SMAP1: variants seen among roughly 807,000 people sequenced by gnomAD.
SMAP1 encodes stromal membrane-associated protein 1.
SMAP1 carries 24 observed loss-of-function variants against 58.5 expected under a neutral mutation model. That is an observed-to-expected ratio of 0.41 (90% confidence interval 0.30 to 0.58). SMAP1 has a LOEUF of 0.58. SMAP1 is among the 20% of genes least tolerant of loss of function. The pLI is 0.29. For synonymous variants in SMAP1, 216 were observed against 196.6 expected, an observed-to-expected ratio of 1.10 and a Z score of -0.82; for missense variants, 563 against 566.3, an observed-to-expected ratio of 0.99 and a Z score of 0.06.
At chr6:70,790,539 G>A (rs1768304473) in intron 4 of SMAP1, among the ~76,000 whole-genome samples, 2 of 152,082 alleles carry the variant, frequency 1.3e-5, no homozygotes, top group South Asian at 2.1e-4. Flanking sequence ...ACATTTTATT[G>A]TGTTGTTTAT....
chr6:70,677,349 T>C (rs1766521754), intron 1 of SMAP1, among the ~76,000 whole-genome samples: 1 of 151,166 alleles, frequency 6.6e-6, no homozygotes, highest in South Asian at 2.1e-4. Context: ...CAGTTGTCCT[T>C]GTTCTCTTTA....
At chr6:70,736,808 C>T (rs1765636146) in intron 2 of SMAP1, among the ~76,000 whole-genome samples, 2 of 152,184 alleles carry the variant, frequency 1.3e-5, no homozygotes, top group Admixed American at 1.3e-4. Context: ...CAAGGCTTTG[C>T]CTTATTTCTG....
intron 1 of SMAP1, among the ~76,000 whole-genome samples, chr6:70,683,049 G>A (rs1011146788): frequency 1.3e-5 from 2 of 151,792 alleles, no homozygotes; most frequent in African/African-American, 4.8e-5. Context: ...AAAAAGAGTG[G>A]CTGACTTACT....
intron 5 of SMAP1, among the ~76,000 whole-genome samples, chr6:70,795,485 C>A (rs1768565366): frequency 6.6e-6 from 1 of 152,302 alleles, no homozygotes; most frequent in East Asian, 1.9e-4. Flanking sequence ...AACGATACAT[C>A]TTTGTGCCCT....
At chr6:70,793,905 T>C (rs1185578517) in intron 5 of SMAP1, among the ~76,000 whole-genome samples, 1 of 152,014 alleles carries the variant, frequency 6.6e-6, no homozygotes, top group Non-Finnish European at 1.5e-5. Context: ...TGGCTAATTA[T>C]GTATTTTTAT....
intron 4 of SMAP1, among the ~76,000 whole-genome samples, chr6:70,785,597 C>A (rs1327905917): frequency 6.6e-6 from 1 of 151,972 alleles, no homozygotes; most frequent in African/African-American, 2.4e-5. Flanking sequence ...CAAATAGACG[C>A]AATAAAAAAT....
At chr6:70,787,892 C>T (rs997509340) in intron 4 of SMAP1, among the ~76,000 whole-genome samples, 44 of 151,902 alleles carry the variant, frequency 2.9e-4, no homozygotes, top group Admixed American at 2.2e-3. Context: ...GTCAGTGTGG[C>T]GATTCCTCAG....
chr6:70,746,601 G>C (rs1225543746), intron 2 of SMAP1, among the ~76,000 whole-genome samples: 1 of 152,056 alleles, frequency 6.6e-6, no homozygotes, highest in Non-Finnish European at 1.5e-5. Flanking sequence ...TTTTTGCATC[G>C]ATGTTCATCA....
Position 70,668,063 on chromosome 6 carries a change from A to G in SMAP1, c.40A>G (p.Asn14Asp). 1 of 1,604,474 alleles carries G rather than the reference A, an allele frequency of 6.2e-7. No individual in the cohort carries two copies. Among genetic ancestry groups the G allele is most frequent in the Non-Finnish European group, 8.5e-7 (1 of 1,176,212 alleles). The change falls in exon 1 of 11, where the codon AAC (asparagine) becomes GAC (aspartate). Residue 14 changes from asparagine (N) to aspartate (D), a missense_variant. By Grantham distance (23) the Asn-to-Asp change is conservative. Coordinates refer to ENST00000370455, the MANE Select transcript of SMAP1 (RefSeq NM_001044305.3). ...RSCREKAQKL[N>D]EQHQLILSKL... is the part of the protein sequence containing the mutation. ...CTGTCGGGAGAAGGCTCAGAAGCTGAACGAGCAGCACCAGCTCATCCTATC... is the reference window on the plus strand; with the variant it reads ...CTGTCGGGAGAAGGCTCAGAAGCTGGACGAGCAGCACCAGCTCATCCTATC...
intron 3 of SMAP1, among the ~76,000 whole-genome samples, chr6:70,758,490 T>C (rs1766608797): frequency 6.6e-6 from 1 of 151,780 alleles, no homozygotes; most frequent in Non-Finnish European, 1.5e-5. Context: ...CTGCACATTG[T>C]GCACATGTAC....
chr6:70,724,601 CTT>C (rs1768683863), intron 1 of SMAP1, among the ~76,000 whole-genome samples: 1 of 152,170 alleles, frequency 6.6e-6, no homozygotes, highest in Non-Finnish European at 1.5e-5. Flanking sequence ...TATGTGGAAA[CTT>C]TCTTCTAATC....
chr6:70,820,761 G>C (rs1405697446), intron 6 of SMAP1, among the ~76,000 whole-genome samples: 1 of 151,916 alleles, frequency 6.6e-6, no homozygotes, highest in East Asian at 1.9e-4. Flanking sequence ...AAGTGAGAGA[G>C]AACTTCCATC....
chr6:70,837,141 A>T, intron 7 of SMAP1, 113 bp downstream of exon 7: 1 of 672,510 alleles, frequency 1.5e-6, no homozygotes, highest in Non-Finnish European at 2.3e-6. Context: ...CTGTTAACTG[A>T]ATTTGAAAAT....
chr6:70,794,828 G>T (rs80122013), intron 5 of SMAP1, among the ~76,000 whole-genome samples: 1 of 132,986 alleles, frequency 7.5e-6, no homozygotes, highest in South Asian at 2.3e-4. Context: ...TCACTCTGTC[G>T]CCCAGGTTGG....
At chr6:70,781,896 A>G (rs1416128289) in intron 4 of SMAP1, among the ~76,000 whole-genome samples, 4 of 152,142 alleles carry the variant, frequency 2.6e-5, no homozygotes, top group African/African-American at 4.8e-5. Flanking sequence ...GTTTTTTCAC[A>G]TATCGGTTAC....
chr6:70,773,437 C>T lies in SMAP1; in HGVS notation c.414+12C>T, dbSNP rs1157743584. The T allele has an allele frequency of 2.1e-6, 3 of 1,445,272 alleles. No homozygotes were observed. The South Asian group carries it at 3.7e-5, about 18-fold the overall frequency. 89.5% of individuals were successfully genotyped at this position (1,445,272 alleles called of 1,614,324 possible). Reference sequence around the variant, plus strand: ...TAGCTATTACAAATGTAAGTAAAACCTTCATCTCTCATCAATTGTTTGTTG... The same window carrying T: ...TAGCTATTACAAATGTAAGTAAAACTTTCATCTCTCATCAATTGTTTGTTG... On this transcript the variant is annotated intron_variant, in intron 4 of 10. Coordinates refer to ENST00000370455, the MANE Select transcript of SMAP1 (RefSeq NM_001044305.3).
intron 1 of SMAP1, among the ~76,000 whole-genome samples, chr6:70,695,773 G>A (rs912186041): frequency 7.2e-5 from 11 of 152,098 alleles, no homozygotes; most frequent in Middle Eastern, 3.2e-3. Flanking sequence ...TTGGTATCAG[G>A]GTGATACTAG....
intron 1 of SMAP1, 99 bp downstream of exon 1, chr6:70,668,240 C>T: frequency 8.8e-7 from 1 of 1,132,602 alleles, no homozygotes; most frequent in Non-Finnish European, 1.3e-6. Context: ...GCCTCGGCTT[C>T]GCTGGCCGGC....
At chr6:70,785,902 A>G (rs1768001286) in intron 4 of SMAP1, among the ~76,000 whole-genome samples, 1 of 152,248 alleles carries the variant, frequency 6.6e-6, no homozygotes, top group Non-Finnish European at 1.5e-5. Flanking sequence ...ATTCCTTCTG[A>G]AACGATTCCA....
Sources: allele counts gnomAD v4.1 joint callset (sites outside exome capture counted in the v4.1 genomes callset), GRCh38; gene constraint gnomAD v4.1.1; transcripts MANE v1.5; gene names NCBI Gene and HGNC (gene_info 2026-07-23, HGNC 2026-07-21).